The following ADCY8 variants were observed in gnomAD, a reference collection of about 807,000 sequenced individuals.
ADCY8 encodes the protein adenylate cyclase type 8.
Under a neutral mutation model 119.7 loss-of-function variants are expected in ADCY8, and 51 were observed. The ratio of observed to expected loss-of-function variants is 0.43; its 90% CI spans 0.34 to 0.54. The LOEUF (loss-of-function observed/expected upper bound fraction) is 0.54. Ranked by LOEUF, ADCY8 falls within the 20% of genes least tolerant of loss-of-function variation. The probability of loss-of-function intolerance (pLI) is 0.03; values close to 1 mark genes in which losing one functional copy is unlikely to be tolerated. For synonymous variants in ADCY8, 665 were observed against 651.0 expected (o/e 1.02, Z -0.33); for missense variants, 1,383 against 1,598.8 (o/e 0.87, Z 2.30).
rs1279075511 is a variant in ADCY8 at position 130,840,408 on chromosome 8, G to C, written c.2503-3959C>G. On this transcript the variant is annotated intron_variant, in intron 11 of 17. Transcript: ENST00000286355. ...GTGGAAGAAGAGAAATAAGAATATT[G>C]ATTAGGCATTTTTGGGGATGTGAGG... 2.0e-5 allele frequency among the ~76,000 whole-genome samples: 2 copies of C among 98,362 alleles called. 1 individual carries two copies. Among genetic ancestry groups the C allele is most frequent in the Non-Finnish European group, 5.4e-5 (2 of 37,236 alleles). 64.5% of individuals were successfully genotyped at this position (98,362 alleles called of 152,430 possible). A position where few individuals can be genotyped will look rare whatever the true frequency, so the allele number is the denominator to read the frequency against.
chr8:130,783,822 G>A lies in ADCY8; in HGVS notation c.3154-17C>T. 2.5e-6 allele frequency: 4 copies of A among 1,591,480 alleles called. No individual in the cohort carries two copies. Among genetic ancestry groups the A allele is most frequent in the Non-Finnish European group, 3.4e-6 (4 of 1,162,264 alleles). ...TTCACATTGCTGAAGCAAACATGAG[G>A]AGAAGAAATCATTTAATGCGGAATG... is the stretch of plus-strand genomic sequence containing the variant. On this transcript the variant is annotated splice_polypyrimidine_tract_variant and intron_variant, in intron 16 of 17. Coordinates refer to ENST00000286355, the MANE Select transcript of ADCY8 (RefSeq NM_001115.3).
intron 2 of ADCY8, among the ~76,000 whole-genome samples, chr8:130,968,829 G>A (rs1821841412): frequency 6.6e-6 from 1 of 152,138 alleles, no homozygotes; most frequent in Admixed American, 6.5e-5. Flanking sequence ...CAAATGTGAG[G>A]AATAAAGAAC....
chr8:130,822,506 T>TCATGAATA (rs1554603768), intron 12 of ADCY8, among the ~76,000 whole-genome samples: 171 of 144,288 alleles, frequency 1.2e-3, no homozygotes, highest in African/African-American at 4.2e-3. Context: ...ATCCATCCAT[T>TCATGAATA]CATGAATCCA....
chr8:130,845,643 G>A (rs1452942985), intron 11 of ADCY8, among the ~76,000 whole-genome samples: 1 of 152,094 alleles, frequency 6.6e-6, no homozygotes, highest in African/African-American at 2.4e-5. Context: ...ACTAAGCTGG[G>A]ACTCCACTCA....
intron 14 of ADCY8, among the ~76,000 whole-genome samples, chr8:130,807,803 T>C (rs898736775): frequency 6.7e-6 from 1 of 150,302 alleles, no homozygotes; most frequent in Admixed American, 6.6e-5. Context: ...GCTAAAACGG[T>C]GAAACCCTGT....
chr8:130,957,983 G>A (rs1198235082), intron 2 of ADCY8, among the ~76,000 whole-genome samples: 1 of 152,214 alleles, frequency 6.6e-6, no homozygotes, highest in Non-Finnish European at 1.5e-5. Flanking sequence ...GAAATGTGGG[G>A]TCAGAGGCCC....
chr8:131,040,033 G>A lies in ADCY8; in HGVS notation c.301C>T (p.His101Tyr). 1 of 1,551,366 alleles carries A rather than the reference G, an allele frequency of 6.4e-7. No homozygotes were observed. The highest frequency in any genetic ancestry group is 8.7e-7 in the Non-Finnish European group (1 of 1,152,180). Residue 101 changes from histidine to tyrosine, a missense_variant, in exon 1 of 18, where the codon CAC becomes TAC. By Grantham distance (83) the His-to-Tyr change is moderately conservative. Coordinates refer to ENST00000286355, the MANE Select transcript of ADCY8 (RefSeq NM_001115.3). ...AAGACTTTGGTGCCGCAGGTGCTGT[G>A]CGCTCGCTCTCCCGGGCCCAGCGAG... Reference protein sequence around the residue: ...LYSLGPGERAHSTCGTKVFPE... With the variant: ...LYSLGPGERAYSTCGTKVFPE...
At chr8:130,825,356 C>A (rs929508870) in intron 12 of ADCY8, among the ~76,000 whole-genome samples, 2 of 152,214 alleles carry the variant, frequency 1.3e-5, no homozygotes, top group Admixed American at 1.3e-4. Context: ...ATGTGTTATA[C>A]AACGCTGAAA....
chr8:130,998,819 A>G (rs992771522), intron 1 of ADCY8, among the ~76,000 whole-genome samples: 9 of 152,188 alleles, frequency 5.9e-5, no homozygotes. Context: ...TGTGGACTAC[A>G]TAGAAAAGAG....
chr8:130,828,984 C>G (rs1586456915), intron 12 of ADCY8, among the ~76,000 whole-genome samples: 1 of 152,154 alleles, frequency 6.6e-6, no homozygotes, highest in African/African-American at 2.4e-5. Context: ...CTCCTGAGAT[C>G]CATTTCTTTT....
chr8:130,837,706 A>G (rs906784530), intron 11 of ADCY8, among the ~76,000 whole-genome samples: 2 of 152,212 alleles, frequency 1.3e-5, no homozygotes, highest in African/African-American at 2.4e-5. Context: ...TCTGACTATC[A>G]GGAACAAAAA....
chr8:130,867,818 C>A, intron 9 of ADCY8, 28 bp downstream of exon 9: 1 of 1,491,578 alleles, frequency 6.7e-7, no homozygotes, highest in Non-Finnish European at 9.3e-7. Flanking sequence ...AGATATTTCA[C>A]CAGATCAATT....
intron 5 of ADCY8, among the ~76,000 whole-genome samples, chr8:130,915,661 T>C (rs1484186414): frequency 6.6e-6 from 1 of 152,184 alleles, no homozygotes; most frequent in Admixed American, 6.5e-5. Flanking sequence ...TGGTGGATAC[T>C]GAACACTCAA....
chr8:130,780,404 A>G lies in ADCY8; in HGVS notation c.3742T>C (p.Ser1248Pro). 1 of 1,516,546 alleles carries G rather than the reference A, an allele frequency of 6.6e-7. No homozygotes were observed. Among genetic ancestry groups the G allele is most frequent in the Non-Finnish European group, 8.8e-7 (1 of 1,131,088 alleles). 93.9% of individuals were successfully genotyped at this position (1,516,546 alleles called of 1,614,324 possible). A position where few individuals can be genotyped will look rare whatever the true frequency, so the allele number is the denominator to read the frequency against. ...AGAAAATGCTTTTATGGCAAATCAG[A>G]TTTGTCGGTGCCTTCAGCCTGGGCT... ...PGAQAEGTDK[S>P]DLP The change falls in exon 18 of 18, where the codon TCT (serine) becomes CCT (proline). Residue 1248 changes from serine (S) to proline (P), a missense_variant. Around this residue, in one of 2 missense-constraint regions of ADCY8, gnomAD observed 928 missense variants for 1,163.5 expected, o/e 0.80. Coordinates refer to ENST00000286355, the MANE Select transcript of ADCY8 (RefSeq NM_001115.3).
At chr8:130,929,266 T>G (rs1267099285) in intron 5 of ADCY8, among the ~76,000 whole-genome samples, 1 of 152,172 alleles carries the variant, frequency 6.6e-6, no homozygotes, top group African/African-American at 2.4e-5. Context: ...TCCTCTTTTT[T>G]GATGCAGGTG....
intron 14 of ADCY8, among the ~76,000 whole-genome samples, chr8:130,805,268 G>A (rs1275033862): frequency 6.6e-6 from 1 of 152,110 alleles, no homozygotes; most frequent in Non-Finnish European, 1.5e-5. Flanking sequence ...GGGGAAACTG[G>A]GGGATACAGA....
chr8:131,024,976 T>C (rs924269773), intron 1 of ADCY8, among the ~76,000 whole-genome samples: 1 of 152,196 alleles, frequency 6.6e-6, no homozygotes, highest in African/African-American at 2.4e-5. Flanking sequence ...TTATAACTCA[T>C]GGAATAAAAT....
chr8:130,924,117 C>G (rs773528042), intron 5 of ADCY8, among the ~76,000 whole-genome samples: 3 of 152,168 alleles, frequency 2.0e-5, no homozygotes, highest in South Asian at 2.1e-4. Context: ...CTAAGATAGA[C>G]GGCTTTGAAG....
At chr8:131,029,101 TGC>T (rs773433284) in intron 1 of ADCY8, among the ~76,000 whole-genome samples, 1 of 152,228 alleles carries the variant, frequency 6.6e-6, no homozygotes. Flanking sequence ...TCAGATCAGT[TGC>T]CAGTGGTGGC....
Sources: allele counts gnomAD v4.1 joint callset (sites outside exome capture counted in the v4.1 genomes callset), GRCh38; gene constraint gnomAD v4.1.1; regional missense constraint gnomAD v4.1.1; transcripts MANE v1.5; gene names NCBI Gene and HGNC (gene_info 2026-07-23, HGNC 2026-07-21).